Variants in SLC25A31 observed in about 807,000 individuals in gnomAD.
SLC25A31 encodes the protein solute carrier family 25 member 31.
In SLC25A31, 40 loss-of-function variants were observed where a neutral mutation model predicts 36.2. The observed-to-expected ratio is 1.10, with a 90% confidence interval of 0.86 to 1.44. The LOEUF (loss-of-function observed/expected upper bound fraction) is 1.44. SLC25A31 is among the 40% of genes most tolerant of loss of function. The pLI, the probability that SLC25A31 is intolerant of heterozygous loss-of-function variation, is 0.00. For missense variants in SLC25A31, 350 were observed against 397.1 expected (o/e 0.88, Z 1.01); for synonymous variants, 143 against 149.7 (o/e 0.96, Z 0.32).
At chr4:127,763,971 T>G (rs1181885287) in intron 2 of SLC25A31, among the ~76,000 whole-genome samples, 1 of 152,172 alleles carries the variant, frequency 6.6e-6, no homozygotes, top group Non-Finnish European at 1.5e-5. Flanking sequence ...TTTTGCTAAT[T>G]TGGGCTGCTT....
chr4:127,764,079 TAAA>T (rs1040390772), intron 2 of SLC25A31, among the ~76,000 whole-genome samples, 161 bp from the exon 3 acceptor site: 9 of 152,224 alleles, frequency 5.9e-5, no homozygotes, highest in Non-Finnish European at 8.8e-5. Flanking sequence ...GCTATAAAAA[TAAA>T]ATATTTTGGA....
At chr4:127,755,725 A>G (rs1389936803) in intron 2 of SLC25A31, among the ~76,000 whole-genome samples, 1 of 152,170 alleles carries the variant, frequency 6.6e-6, no homozygotes, top group Non-Finnish European at 1.5e-5. Flanking sequence ...AAAATAATAT[A>G]GAAGTACCTT....
At chr4:127,737,950 A>G (rs1731664837) in intron 1 of SLC25A31, among the ~76,000 whole-genome samples, 2 of 93,958 alleles carry the variant, frequency 2.1e-5, no homozygotes, top group Non-Finnish European at 5.0e-5. Context: ...TCTGAAACCC[A>G]TAATATCTCA....
intron 2 of SLC25A31, among the ~76,000 whole-genome samples, chr4:127,752,529 G>A (rs1731954863): frequency 1.3e-5 from 2 of 151,200 alleles, no homozygotes. Flanking sequence ...TAACAAACCT[G>A]CACATTGTGC....
At chr4:127,750,283 G>T (rs1320787992) in intron 2 of SLC25A31, among the ~76,000 whole-genome samples, 1 of 152,058 alleles carries the variant, frequency 6.6e-6, no homozygotes, top group African/African-American at 2.4e-5. Context: ...CTTACAGTAG[G>T]GTTACATCAT....
intron 1 of SLC25A31, among the ~76,000 whole-genome samples, chr4:127,731,447 A>G (rs1030804468): frequency 2.0e-5 from 3 of 152,084 alleles, no homozygotes; most frequent in Non-Finnish European, 4.4e-5. Context: ...TCACGCCTAT[A>G]ATCCTAGCAC....
intron 3 of SLC25A31, among the ~76,000 whole-genome samples, chr4:127,764,663 G>C (rs936210169): frequency 5.3e-5 from 8 of 152,010 alleles, no homozygotes; most frequent in African/African-American, 1.9e-4. Context: ...TCCTGTCTCA[G>C]CTGTGGCTCC....
At chr4:127,731,552 T>G (rs1731526310) in intron 1 of SLC25A31, among the ~76,000 whole-genome samples, 1 of 152,114 alleles carries the variant, frequency 6.6e-6, no homozygotes, top group Non-Finnish European at 1.5e-5. Context: ...ATGCTAAATA[T>G]ACAAAAATTA....
intron 1 of SLC25A31, 88 bp from the exon 2 acceptor site, chr4:127,744,584 A>G (rs1731788789): frequency 8.8e-7 from 1 of 1,139,436 alleles, no homozygotes; most frequent in Non-Finnish European, 1.2e-6. Flanking sequence ...TATGTTTTAG[A>G]TAGTTCATAT....
intron 1 of SLC25A31, among the ~76,000 whole-genome samples, chr4:127,743,955 A>G (rs567812705): frequency 6.6e-6 from 1 of 152,330 alleles, no homozygotes; most frequent in East Asian, 1.9e-4. Context: ...AATCGAGTGA[A>G]AACAACCAAG....
intron 2 of SLC25A31, among the ~76,000 whole-genome samples, chr4:127,757,064 C>G (rs1732044820): frequency 6.6e-6 from 1 of 152,188 alleles, no homozygotes; most frequent in African/African-American, 2.4e-5. Flanking sequence ...GGAAACAACT[C>G]AGATGTCCTT....
At chr4:127,737,726 G>C (rs895049554) in intron 1 of SLC25A31, among the ~76,000 whole-genome samples, 5 of 151,938 alleles carry the variant, frequency 3.3e-5, no homozygotes, top group African/African-American at 1.2e-4. Flanking sequence ...AAGTTTGTTT[G>C]GGGTTTGTTT....
intron 2 of SLC25A31, among the ~76,000 whole-genome samples, chr4:127,759,845 A>G (rs1035789998): frequency 2.0e-5 from 3 of 152,252 alleles, no homozygotes; most frequent in Non-Finnish European, 2.9e-5. Flanking sequence ...CAAAAAAGGA[A>G]CAAACTTTTG....
chr4:127,736,694 T>C (rs1407514819), intron 1 of SLC25A31, among the ~76,000 whole-genome samples: 3 of 152,214 alleles, frequency 2.0e-5, no homozygotes, highest in Admixed American at 1.3e-4. Flanking sequence ...TATACTGGTA[T>C]AATAACTATA....
intron 4 of SLC25A31, 120 bp downstream of exon 4, chr4:127,767,340 G>A: frequency 1.0e-6 from 1 of 979,378 alleles, no homozygotes; most frequent in South Asian, 2.9e-5. Flanking sequence ...GATGAAAAAA[G>A]AGAGACATGA....
intron 5 of SLC25A31, among the ~76,000 whole-genome samples, chr4:127,773,142 A>G (rs184454501): frequency 6.6e-6 from 1 of 152,260 alleles, no homozygotes; most frequent in East Asian, 1.9e-4. Context: ...CTGTGAGAGG[A>G]TAAATCATGG....
At chr4:127,771,905 G>C (rs762490690) in intron 5 of SLC25A31, among the ~76,000 whole-genome samples, 5 of 152,060 alleles carry the variant, frequency 3.3e-5, no homozygotes, top group Non-Finnish European at 5.9e-5. Flanking sequence ...CTGTTTTCTA[G>C]AGCTAACTCT....
rs1234675494 is a variant in SLC25A31, at chr4:127,768,811, T to C, written c.693T>C (p.Val231=). 1 of 1,609,198 alleles carries C rather than the reference T, an allele frequency of 6.2e-7. No individual in the cohort carries two copies. Among genetic ancestry groups the C allele is most frequent in the African/African-American group, 1.3e-5 (1 of 74,820 alleles). The change falls in exon 5 of 6, where the codon GTT becomes GTC. Residue 231 remains valine, a synonymous_variant. Transcript: ENST00000281154. Reference sequence around the variant, plus strand: ...TTGTCTCCTTTTTCATTGCTCAAGTTGTGACTACATGCTCTGGAATACTTT... The same window carrying C: ...TTGTCTCCTTTTTCATTGCTCAAGTCGTGACTACATGCTCTGGAATACTTT... ...PFLVSFFIAQ[V]VTTCSGILSY... is the part of the protein sequence containing the mutation.
intron 2 of SLC25A31, among the ~76,000 whole-genome samples, chr4:127,749,933 CAAAG>C (rs1333033624): frequency 6.6e-6 from 1 of 151,766 alleles, no homozygotes; most frequent in Non-Finnish European, 1.5e-5. Context: ...AAGTCAAAAA[CAAAG>C]AATTTTAAAA....
Sources: allele counts gnomAD v4.1 joint callset (sites outside exome capture counted in the v4.1 genomes callset), GRCh38; gene constraint gnomAD v4.1.1; transcripts MANE v1.5; gene names NCBI Gene and HGNC (gene_info 2026-07-23, HGNC 2026-07-21).